SLC41A2: variants seen among roughly 807,000 people sequenced by gnomAD.
The protein encoded by SLC41A2 is SLC41A1-like 1.
A neutral mutation model predicts 58.3 loss-of-function variants in SLC41A2; 32 were observed. The ratio of observed to expected loss-of-function variants is 0.55; its 90% CI spans 0.41 to 0.74. The LOEUF (loss-of-function observed/expected upper bound fraction) is 0.74. SLC41A2 is among the 30% of genes least tolerant of loss of function. The probability of loss-of-function intolerance (pLI) is 0.00; values close to 1 mark genes in which losing one functional copy is unlikely to be tolerated. For synonymous variants in SLC41A2, 190 were observed against 235.0 expected, an observed-to-expected ratio of 0.81 and a Z score of 1.75; for missense variants, 514 against 680.6, an observed-to-expected ratio of 0.76 and a Z score of 2.72.
At chr12:104,897,144 CTTTT>C (rs71440558) in intron 3 of SLC41A2, among the ~76,000 whole-genome samples, 4 of 120,290 alleles carry the variant, frequency 3.3e-5, no homozygotes, top group African/African-American at 6.4e-5. Context: ...TTTCTTTTTT[CTTTT>C]TTTTTTTTTT....
intron 6 of SLC41A2, among the ~76,000 whole-genome samples, chr12:104,876,293 T>C (rs1451457116): frequency 6.6e-6 from 1 of 152,158 alleles, no homozygotes; most frequent in Non-Finnish European, 1.5e-5. Flanking sequence ...TTCCTTCTGC[T>C]AACTTTGGGT....
At chr12:104,847,678 T>C (rs922979595) in intron 8 of SLC41A2, among the ~76,000 whole-genome samples, 6 of 131,614 alleles carry the variant, frequency 4.6e-5, no homozygotes, top group Non-Finnish European at 8.2e-5. Context: ...AGAGGAAAAA[T>C]AGACAAGTCT....
At chr12:104,915,895 T>C (rs1241389891) in intron 2 of SLC41A2, among the ~76,000 whole-genome samples, 1 of 152,210 alleles carries the variant, frequency 6.6e-6, no homozygotes, top group Non-Finnish European at 1.5e-5. Flanking sequence ...AGTATGATAT[T>C]GGCTGTGGGT....
At chr12:104,956,884 A>T (rs2048189077) in intron 1 of SLC41A2, among the ~76,000 whole-genome samples, 1 of 152,238 alleles carries the variant, frequency 6.6e-6, no homozygotes, top group South Asian at 2.1e-4. Flanking sequence ...GATGGCTATC[A>T]TAAAAAATAA....
chr12:104,929,516 C>T lies in SLC41A2; in HGVS notation c.-167-822G>A, dbSNP rs111495992. On this transcript the variant is annotated intron_variant, in intron 1 of 10. Transcript: ENST00000258538. The stretch of plus-strand genomic sequence containing the variant: ...GGGTAGAACCCTGACTGGCTGGCCA[C>T]TCAGTGACTAGAGTCTCTTTGAAGA... 3.4e-3 allele frequency among the ~76,000 whole-genome samples: 523 copies of T among 152,344 alleles called. 2 individuals are homozygous for T. The highest frequency in any genetic ancestry group is 0.012 in the African/African-American group (486 of 41,578).
intron 4 of SLC41A2, among the ~76,000 whole-genome samples, chr12:104,892,301 A>AAAAAT (rs372175701): frequency 0.093 from 13,046 of 140,580 alleles, 881 homozygotes; most frequent in Middle Eastern, 0.12. Context: ...ATCTCAAAAA[A>AAAAAT]AAAATAAAAT....
At chr12:104,925,633 G>A (rs1475378594) in intron 2 of SLC41A2, among the ~76,000 whole-genome samples, 1 of 152,100 alleles carries the variant, frequency 6.6e-6, no homozygotes, top group Non-Finnish European at 1.5e-5. Context: ...AAAGTCCTTA[G>A]GGCTAGCACT....
At chr12:104,859,191 T>C (rs12321362) in intron 8 of SLC41A2, among the ~76,000 whole-genome samples, 3,125 of 152,194 alleles carry the variant, frequency 0.021, 105 homozygotes, top group African/African-American at 0.071. Context: ...TGGGAAACAA[T>C]GAGTCCAACC....
chr12:104,913,394 CT>C (rs2046167742), intron 2 of SLC41A2, among the ~76,000 whole-genome samples: 1 of 152,158 alleles, frequency 6.6e-6, no homozygotes, highest in African/African-American at 2.4e-5. Flanking sequence ...AAAGACTCCA[CT>C]GCTGATCTTG....
chr12:104,886,458 A>G lies in SLC41A2; in HGVS notation c.881-19T>C, dbSNP rs12322073. 18 of 1,609,164 alleles carry G rather than the reference A, an allele frequency of 1.1e-5. No individual in the cohort carries two copies. The highest frequency in any genetic ancestry group is 1.4e-5 in the Non-Finnish European group (17 of 1,176,746). The stretch of plus-strand genomic sequence containing the variant: ...ATTATTCCTAGAAGAAAGAATGTTC[A>G]TTACTTTTTAGGCTATGATTTAAAG... On this transcript the variant is annotated intron_variant, in intron 5 of 10. Coordinates refer to ENST00000258538, the MANE Select transcript of SLC41A2 (RefSeq NM_001352171.3).
chr12:104,871,448 T>C (rs1460870664), intron 6 of SLC41A2, among the ~76,000 whole-genome samples: 1 of 152,196 alleles, frequency 6.6e-6, no homozygotes, highest in Non-Finnish European at 1.5e-5. Flanking sequence ...ATAAATGCCT[T>C]TATATTGTCC....
At chr12:104,904,033 G>T (rs2045688777) in intron 3 of SLC41A2, among the ~76,000 whole-genome samples, 1 of 152,140 alleles carries the variant, frequency 6.6e-6, no homozygotes, top group Admixed American at 6.5e-5. Flanking sequence ...CCTTCATTCA[G>T]GTTTAACGGT....
intron 10 of SLC41A2, among the ~76,000 whole-genome samples, chr12:104,835,156 T>C (rs2042165356): frequency 6.6e-6 from 1 of 152,218 alleles, no homozygotes; most frequent in Admixed American, 6.5e-5. Context: ...AAGGTTGGTC[T>C]AGTCTTAGCC....
chr12:104,825,303 C>G (rs888799395), intron 10 of SLC41A2, among the ~76,000 whole-genome samples: 6 of 152,152 alleles, frequency 3.9e-5, no homozygotes, highest in African/African-American at 1.2e-4. Context: ...AAAAGCCAAA[C>G]CCAACAGTCA....
chr12:104,804,907 T>G lies in SLC41A2; in HGVS notation c.*245A>C, dbSNP rs1244604042. 3 of 287,608 alleles carry G rather than the reference T, an allele frequency of 1.0e-5. No homozygotes were observed. Among genetic ancestry groups the G allele is most frequent in the African/African-American group, 6.5e-5 (3 of 45,920 alleles). The allele number at this position is 287,608 out of a possible 1,614,324, so 17.8% of individuals were successfully genotyped here. A position where few individuals can be genotyped will look rare whatever the true frequency, so the allele number is the denominator to read the frequency against. ...ATTCTTTCCTAATTAATTTCAGAGCTGGAACTTATATCTATGTCTATGTCA... is the reference window on the plus strand; with the variant it reads ...ATTCTTTCCTAATTAATTTCAGAGCGGGAACTTATATCTATGTCTATGTCA... On this transcript the variant is annotated 3_prime_UTR_variant, in exon 11 of 11. Transcript: ENST00000258538.
intron 1 of SLC41A2, among the ~76,000 whole-genome samples, chr12:104,950,603 G>C (rs4257060): frequency 0.53 from 80,371 of 151,964 alleles, 21,538 homozygotes; most frequent in East Asian, 0.73. Context: ...CTCCTGAACT[G>C]AAGCCACCCT....
chr12:104,904,437 G>A (rs756688887), intron 3 of SLC41A2, among the ~76,000 whole-genome samples: 7 of 152,072 alleles, frequency 4.6e-5, no homozygotes, highest in Admixed American at 2.0e-4. Flanking sequence ...TATCTACCTA[G>A]GTAATTCACC....
At chr12:104,842,609 G>C (rs974346476) in intron 10 of SLC41A2, among the ~76,000 whole-genome samples, 11 of 152,028 alleles carry the variant, frequency 7.2e-5, no homozygotes, top group African/African-American at 2.7e-4. Context: ...CTGGTAGATA[G>C]TACAACCTCT....
At chr12:104,821,561 T>G (rs1404389816) in intron 10 of SLC41A2, among the ~76,000 whole-genome samples, 1 of 152,232 alleles carries the variant, frequency 6.6e-6, no homozygotes, top group African/African-American at 2.4e-5. Context: ...AATACTTACA[T>G]ATATGAATGA....
Sources: allele counts gnomAD v4.1 joint callset (sites outside exome capture counted in the v4.1 genomes callset), GRCh38; gene constraint gnomAD v4.1.1; transcripts MANE v1.5; gene names NCBI Gene and HGNC (gene_info 2026-07-23, HGNC 2026-07-21).